SLC25A19: variants seen among roughly 807,000 people sequenced by gnomAD.
SLC25A19 encodes the protein solute carrier family 25 member 19.
A neutral mutation model predicts 27.9 loss-of-function variants in SLC25A19; 18 were observed. The observed-to-expected ratio is 0.64, with a 90% CI of 0.45 to 0.96. The LOEUF (loss-of-function observed/expected upper bound fraction) is 0.96. Ranked by LOEUF, SLC25A19 falls within the 40% of genes least tolerant of loss-of-function variation. The pLI is 0.00. For synonymous variants in SLC25A19, 169 were observed against 167.1 expected (o/e 1.01, Z -0.09); for missense variants, 371 against 418.3 (o/e 0.89, Z 0.99).
At chr17:75,285,006 A>G (rs1441984986) in intron 4 of SLC25A19, among the ~76,000 whole-genome samples, 1 of 150,558 alleles carries the variant, frequency 6.6e-6, no homozygotes, top group African/African-American at 2.4e-5. Flanking sequence ...TGGCTCGATC[A>G]CAGTTCACAG....
chr17:75,276,517 A>G (rs1052897641), intron 7 of SLC25A19, among the ~76,000 whole-genome samples: 31 of 151,356 alleles, frequency 2.0e-4, no homozygotes, highest in Middle Eastern at 3.4e-3. Flanking sequence ...ACAGGCGCCC[A>G]CCACCATACC....
At chr17:75,277,611 C>T (rs376530620) in intron 6 of SLC25A19, 128 bp from the exon 7 acceptor site, 2 of 1,058,136 alleles carry the variant, frequency 1.9e-6, no homozygotes. Flanking sequence ...TATCTGACCT[C>T]CACTGGTCCT....
chr17:75,278,063 CAGG>C (rs933646860), intron 6 of SLC25A19, 86 bp downstream of exon 6: 39 of 1,441,530 alleles, frequency 2.7e-5, no homozygotes, highest in South Asian at 9.2e-5. Context: ...TTGATTCGGA[CAGG>C]AGAACTTTAG....
In SLC25A19 at chr17:75,286,810, C is replaced by A. The variant is rs746055129; in HGVS notation, c.-38-8G>T. 1.2e-6 allele frequency: 2 copies of A among 1,612,822 alleles called. No homozygotes were observed. Among genetic ancestry groups the A allele is most frequent in the Non-Finnish European group, 1.7e-6 (2 of 1,179,304 alleles). ...ATGTCCATCAGTATCAAGCTAAATG[C>A]AAGAGATACGGAATAAACACCAGGC... On this transcript the variant is annotated splice_polypyrimidine_tract_variant and splice_region_variant and intron_variant, in intron 2 of 7. Transcript: ENST00000416858.
chr17:75,275,442 A>G (rs941302418), intron 7 of SLC25A19, among the ~76,000 whole-genome samples: 1 of 151,876 alleles, frequency 6.6e-6, no homozygotes, highest in African/African-American at 2.4e-5. Flanking sequence ...CTCCTCTGAC[A>G]TTGTCAGGCA....
Position 75,273,144 on chromosome 17 carries a change from C to A in SLC25A19, c.*307G>T. ...TGTTCTGTTCTCCTGGCAGGCAGGG[C>A]TGATAGGTGTAGGATGGCGTCTGTT... is the stretch of plus-strand genomic sequence containing the variant. On this transcript the variant is annotated 3_prime_UTR_variant, in exon 8 of 8. Transcript: ENST00000416858. The A allele has an allele frequency of 2.4e-6, 1 of 419,308 alleles. No individual in the cohort carries two copies. Among genetic ancestry groups the A allele is most frequent in the East Asian group, 5.1e-5 (1 of 19,532 alleles). 26.0% of individuals were successfully genotyped at this position (419,308 alleles called of 1,614,324 possible). A position where few individuals can be genotyped will look rare whatever the true frequency, so the allele number is the denominator to read the frequency against.
At chr17:75,279,646 T>C (rs142423293) in intron 5 of SLC25A19, among the ~76,000 whole-genome samples, 3,994 of 151,836 alleles carry the variant, frequency 0.026, 63 homozygotes, top group Non-Finnish European at 0.041. Flanking sequence ...GTAGCTGTGA[T>C]TATAGGCACC....
In SLC25A19 at chr17:75,278,089, T is replaced by C. The variant is rs2077937956; in HGVS notation, c.643+63A>G. ...AGGAGAACTTTAGCTCCTTTGTGAT[T>C]TGGAAGGGGGTGTTCTGGTGGCTGG... On this transcript the variant is annotated intron_variant, in intron 6 of 7. Coordinates refer to ENST00000416858, the MANE Select transcript of SLC25A19 (RefSeq NM_001126121.2). 2.5e-6 allele frequency: 4 copies of C among 1,570,118 alleles called. No homozygotes were observed. In the Admixed American group the frequency reaches 6.7e-5, roughly 26 times the overall value.
chr17:75,273,692 A>T, intron 7 of SLC25A19, 53 bp from the exon 8 acceptor site: 1 of 1,517,674 alleles, frequency 6.6e-7, no homozygotes, highest in Admixed American at 1.7e-5. Flanking sequence ...TCCCATCAAC[A>T]CAGCCCCTGG....
At position 75,286,244 on chromosome 17, in the gene SLC25A19, C is replaced by G; in HGVS notation, c.288+60G>C. On this transcript the variant is annotated intron_variant, in intron 4 of 7. Transcript: ENST00000416858. ...GGCATTCCTGCTTGCCTCACCCTCC[C>G]TCTGCTCCTCCACTGAGCAACGTGA... 2.5e-6 allele frequency: 4 copies of G among 1,600,466 alleles called. No individual in the cohort carries two copies. In the Admixed American group the frequency reaches 5.0e-5, roughly 20 times the overall value.
intron 4 of SLC25A19, among the ~76,000 whole-genome samples, chr17:75,285,071 G>A (rs940169377): frequency 1.3e-5 from 2 of 151,700 alleles, no homozygotes; most frequent in African/African-American, 2.4e-5. Flanking sequence ...TAGCTGGGAC[G>A]ACAGGTGTGT....
Position 75,273,318 on chromosome 17 carries a change from T to C in SLC25A19, c.*133A>G, listed in dbSNP as rs2077775140. The C allele has an allele frequency of 1.1e-6, 1 of 895,196 alleles. No individual in the cohort carries two copies. The highest frequency in any genetic ancestry group is 1.6e-5 in the African/African-American group (1 of 60,772). 55.5% of individuals were successfully genotyped at this position (895,196 alleles called of 1,614,324 possible). A position where few individuals can be genotyped will look rare whatever the true frequency, so the allele number is the denominator to read the frequency against. On this transcript the variant is annotated 3_prime_UTR_variant, in exon 8 of 8. Coordinates refer to ENST00000416858, the MANE Select transcript of SLC25A19 (RefSeq NM_001126121.2). Reference sequence around the variant, plus strand: ...ACCTTCTGGTGGTGTCCCAGCTGGGTGGGTTCAAGGCTGCTACCCCGCTTG... The same window carrying C: ...ACCTTCTGGTGGTGTCCCAGCTGGGCGGGTTCAAGGCTGCTACCCCGCTTG...
intron 5 of SLC25A19, among the ~76,000 whole-genome samples, chr17:75,280,964 A>C (rs1366375844): frequency 6.6e-6 from 1 of 151,538 alleles, no homozygotes; most frequent in African/African-American, 2.4e-5. Context: ...AAAAAAAAAA[A>C]AACCAGGAGT....
chr17:75,277,008 G>A (rs1406921848), intron 7 of SLC25A19, among the ~76,000 whole-genome samples: 2 of 150,308 alleles, frequency 1.3e-5, no homozygotes, highest in African/African-American at 4.9e-5. Flanking sequence ...AGCAGAAATT[G>A]TGCTAGGTGC....
Position 75,273,527 on chromosome 17 carries a change from G to C in SLC25A19, c.887C>G (p.Thr296Arg). 6.2e-7 allele frequency: 1 copy of C among 1,614,218 alleles called. No individual in the cohort carries two copies. The highest frequency in any genetic ancestry group is 1.1e-5 in the South Asian group (1 of 91,090). Residue 296 changes from threonine to arginine, a missense_variant, in exon 8 of 8, where the codon ACA becomes AGA. Thr to Arg is a moderately conservative substitution (Grantham distance 71, BLOSUM62 -1). Transcript: ENST00000416858. ...SPSLLKAALS[T>R]GFMFFSYEFF... The stretch of plus-strand genomic sequence containing the variant: ...TTCATACGAGAAGAACATGAAGCCT[G>C]TGGAGAGGGCAGCCTTCAGCAAGCT...
intron 7 of SLC25A19, among the ~76,000 whole-genome samples, chr17:75,276,463 G>A (rs576197301): frequency 6.6e-5 from 10 of 152,006 alleles, no homozygotes; most frequent in Admixed American, 2.6e-4. Context: ...CACCTCTCAC[G>A]TTCAAGCGAT....
intron 7 of SLC25A19, among the ~76,000 whole-genome samples, chr17:75,276,525 A>G (rs754352764): frequency 0.038 from 5,228 of 138,026 alleles, 231 homozygotes; most frequent in Middle Eastern, 0.11. Context: ...CCACCACCAT[A>G]CCCAGCTAAT....
At position 75,273,314 on chromosome 17, in the gene SLC25A19, T is replaced by A; in HGVS notation, c.*137A>T. The A allele has an allele frequency of 1.2e-6, 1 of 851,232 alleles. No individual in the cohort carries two copies. Among genetic ancestry groups the A allele is most frequent in the Non-Finnish European group, 1.9e-6 (1 of 536,536 alleles). 52.7% of individuals were successfully genotyped at this position (851,232 alleles called of 1,614,324 possible). A position where few individuals can be genotyped will look rare whatever the true frequency, so the allele number is the denominator to read the frequency against. ...CTGGACCTTCTGGTGGTGTCCCAGC[T>A]GGGTGGGTTCAAGGCTGCTACCCCG... On this transcript the variant is annotated 3_prime_UTR_variant, in exon 8 of 8. Transcript: ENST00000416858.
At chr17:75,279,945 C>A (rs1474472605) in intron 5 of SLC25A19, among the ~76,000 whole-genome samples, 1 of 152,188 alleles carries the variant, frequency 6.6e-6, no homozygotes, top group African/African-American at 2.4e-5. Context: ...TACAGGTGCA[C>A]ACCACCATGC....
Sources: gnomAD v4.1 joint callset for allele counts (sites outside exome capture counted in the v4.1 genomes callset) on GRCh38, gnomAD v4.1.1 for gene constraint, MANE v1.5 for transcripts, NCBI Gene and HGNC (gene_info 2026-07-23, HGNC 2026-07-21) for gene names.